The following IL1RAPL1 variants were observed in gnomAD, a reference collection of about 807,000 sequenced individuals.
IL1RAPL1 encodes the protein interleukin-1 receptor accessory protein-like 1.
Under a neutral mutation model 48.4 loss-of-function variants are expected in IL1RAPL1, and 3 were observed. The ratio of observed to expected loss-of-function variants is 0.06; its 90% CI spans 0.03 to 0.16. IL1RAPL1 has a LOEUF of 0.16. Among genes scored for constraint, IL1RAPL1 ranks in the 10% least tolerant of loss-of-function variants. The pLI is 1.00. For missense variants in IL1RAPL1, 349 were observed against 530.6 expected, an observed-to-expected ratio of 0.66 and a Z score of 3.36; for synonymous variants, 185 against 187.7, an observed-to-expected ratio of 0.99 and a Z score of 0.12.
intron 9 of IL1RAPL1, among the ~76,000 whole-genome samples, chrX:29,947,757 T>G (rs891117808): frequency 1.1e-4 from 12 of 107,699 alleles, no homozygotes; most frequent in African/African-American, 4.0e-4. Context: ...TTGGTGTTTT[T>G]TTTTTTTTTT....
chrX:29,190,300 C>G (rs1321166794), intron 2 of IL1RAPL1, among the ~76,000 whole-genome samples: 1 of 111,572 alleles, frequency 9.0e-6, no homozygotes, highest in East Asian at 2.8e-4. Flanking sequence ...TGTCCTATTT[C>G]CAATAATAGA....
intron 1 of IL1RAPL1, among the ~76,000 whole-genome samples, chrX:28,670,165 T>C (rs1387618295): frequency 8.9e-6 from 1 of 111,756 alleles, no homozygotes; most frequent in Non-Finnish European, 1.9e-5. Flanking sequence ...GACAAGTTGG[T>C]CACCCGCTTT....
At chrX:29,753,910 G>T (rs1245280289) in intron 6 of IL1RAPL1, among the ~76,000 whole-genome samples, 1 of 111,981 alleles carries the variant, frequency 8.9e-6, no homozygotes, top group Non-Finnish European at 1.9e-5. Context: ...TGCTAATCAT[G>T]TATGGCTTCT....
At chrX:29,016,588 G>C (rs1398088221) in intron 2 of IL1RAPL1, among the ~76,000 whole-genome samples, 1 of 110,861 alleles carries the variant, frequency 9.0e-6, no homozygotes, top group East Asian at 2.8e-4. Context: ...ATACAGAAAA[G>C]GAACAAAATG....
intron 2 of IL1RAPL1, among the ~76,000 whole-genome samples, chrX:29,252,216 G>T (rs1278303467): frequency 1.8e-5 from 2 of 111,335 alleles, no homozygotes; most frequent in African/African-American, 3.3e-5. Flanking sequence ...GTATACATAT[G>T]TAACTAACCT....
At chrX:29,122,962 G>A (rs1304343929) in intron 2 of IL1RAPL1, among the ~76,000 whole-genome samples, 6 of 111,040 alleles carry the variant, frequency 5.4e-5, no homozygotes, top group African/African-American at 2.0e-4. Context: ...CACATTTCAT[G>A]TTTATAGATG....
At chrX:28,635,481 T>G (rs1934453669) in intron 1 of IL1RAPL1, among the ~76,000 whole-genome samples, 1 of 111,978 alleles carries the variant, frequency 8.9e-6, no homozygotes, top group African/African-American at 3.2e-5. Context: ...TCGCTTTCAG[T>G]ACATGAGGTA....
At chrX:28,640,290 C>G (rs1463760873) in intron 1 of IL1RAPL1, among the ~76,000 whole-genome samples, 1 of 111,229 alleles carries the variant, frequency 9.0e-6, no homozygotes, top group Admixed American at 9.5e-5. Context: ...ATAGGATATG[C>G]CAAGCCATAT....
chrX:29,918,238 TAAA>T (rs771849523), intron 7 of IL1RAPL1, among the ~76,000 whole-genome samples: 5 of 59,342 alleles, frequency 8.4e-5, no homozygotes, highest in African/African-American at 3.3e-4. Flanking sequence ...ACCTTTTTTT[TAAA>T]AAAAAAAAAA....
At chrX:28,835,953 A>T (rs924341383) in intron 2 of IL1RAPL1, among the ~76,000 whole-genome samples, 1 of 110,988 alleles carries the variant, frequency 9.0e-6, no homozygotes, top group African/African-American at 3.3e-5. Flanking sequence ...TTATTAGAAT[A>T]TTATATGTAT....
At chrX:29,323,608 G>A (rs191968402) in intron 3 of IL1RAPL1, among the ~76,000 whole-genome samples, 90 of 97,542 alleles carry the variant, frequency 9.2e-4, no homozygotes, top group Non-Finnish European at 1.4e-3. Context: ...ACATCCTCTT[G>A]CTGTCTTCAT....
chrX:29,615,191 A>G (rs1464658229), intron 5 of IL1RAPL1, among the ~76,000 whole-genome samples: 18 of 112,119 alleles, frequency 1.6e-4, no homozygotes, highest in Non-Finnish European at 3.2e-4. Flanking sequence ...AAATGTGAGT[A>G]TCACACACGG....
At chrX:28,790,266 A>G (rs1433740923) in intron 2 of IL1RAPL1, among the ~76,000 whole-genome samples, 2 of 112,490 alleles carry the variant, frequency 1.8e-5, no homozygotes, top group African/African-American at 6.5e-5. Flanking sequence ...TGTGGGAAAA[A>G]GAAGATGAGA....
At chrX:29,245,531 G>A (rs1931495936) in intron 2 of IL1RAPL1, among the ~76,000 whole-genome samples, 1 of 112,044 alleles carries the variant, frequency 8.9e-6, no homozygotes, top group Admixed American at 9.4e-5. Flanking sequence ...GACCAGTGAT[G>A]ATGAGCTTTT....
intron 2 of IL1RAPL1, among the ~76,000 whole-genome samples, chrX:29,201,947 G>A (rs1930565554): frequency 8.9e-6 from 1 of 111,855 alleles, no homozygotes; most frequent in African/African-American, 3.2e-5. Flanking sequence ...CACCAGCCTC[G>A]GCCTCCCAAA....
At chrX:29,028,923 TG>T (rs1202232191) in intron 2 of IL1RAPL1, among the ~76,000 whole-genome samples, 1 of 111,034 alleles carries the variant, frequency 9.0e-6, no homozygotes. Context: ...ATTCTCATAC[TG>T]ATATAAAGAA....
intron 5 of IL1RAPL1, among the ~76,000 whole-genome samples, chrX:29,479,433 T>TAAAAAAAAAAAAAAAAA (rs1159235640): frequency 1.7e-5 from 1 of 58,604 alleles, no homozygotes; most frequent in East Asian, 7.1e-4. Flanking sequence ...AAAAAAAAAT[T>TAAAAAAAAAAAAAAAAA]AGCATTGTAA....
In IL1RAPL1 at chrX:29,330,594, C is replaced by A. The variant is rs768980646; in HGVS notation, c.362+47377C>A. ...AAGTGTTCTTTCTCTTTGTCTCTCC[C>A]CTCCCAGCCCTACCTACCTCTCCTA... On this transcript the variant is annotated intron_variant, in intron 3 of 10. Coordinates refer to ENST00000378993, the MANE Select transcript of IL1RAPL1 (RefSeq NM_014271.4). Among the ~76,000 whole-genome samples the A allele has an allele frequency of 3.6e-5, 4 of 111,167 alleles. No individual in the cohort carries two copies. In the East Asian group the frequency reaches 1.1e-3, roughly 32 times the overall value.
chrX:28,902,687 A>G (rs1569196693), intron 2 of IL1RAPL1, among the ~76,000 whole-genome samples: 1 of 111,796 alleles, frequency 8.9e-6, no homozygotes, highest in African/African-American at 3.3e-5. Flanking sequence ...TTTATTACTC[A>G]TGGCTTAACT....
Sources: allele counts gnomAD v4.1 joint callset (sites outside exome capture counted in the v4.1 genomes callset), GRCh38; gene constraint gnomAD v4.1.1; transcripts MANE v1.5; gene names NCBI Gene and HGNC (gene_info 2026-07-23, HGNC 2026-07-21).